DDX10: variants seen among roughly 807,000 people sequenced by gnomAD.
The protein encoded by DDX10 is DEAD-box helicase 10, also known as probable ATP-dependent RNA helicase DDX10.
In DDX10, 74 loss-of-function variants were observed where a neutral mutation model predicts 104.3. That is an observed-to-expected ratio of 0.71 (90% CI 0.59 to 0.86). DDX10 has a LOEUF of 0.86. Ranked by LOEUF, DDX10 falls within the 40% of genes least tolerant of loss-of-function variation. The pLI is 0.00. For missense variants in DDX10, 952 were observed against 1,040.0 expected (o/e 0.92, Z 1.16); for synonymous variants, 351 against 353.4 (o/e 0.99, Z 0.08).
intron 9 of DDX10, among the ~76,000 whole-genome samples, chr11:108,701,584 A>G (rs1046285107): frequency 2.6e-5 from 4 of 151,598 alleles, no homozygotes; most frequent in African/African-American, 9.7e-5. Context: ...TATTTTATCT[A>G]AAGTTATACA....
intron 7 of DDX10, among the ~76,000 whole-genome samples, chr11:108,689,959 T>C (rs147010259): frequency 0.015 from 2,305 of 152,212 alleles, 44 homozygotes; most frequent in African/African-American, 0.046. Flanking sequence ...CTCACGCCTG[T>C]AATCCCAGCA....
chr11:108,887,465 C>CT (rs1018209270), intron 16 of DDX10, among the ~76,000 whole-genome samples: 1 of 142,532 alleles, frequency 7.0e-6, no homozygotes, highest in Admixed American at 7.0e-5. Flanking sequence ...ATTTTTTTTT[C>CT]TTAAAAAAAA....
At chr11:108,844,543 A>T (rs971901399) in intron 15 of DDX10, among the ~76,000 whole-genome samples, 2 of 152,302 alleles carry the variant, frequency 1.3e-5, no homozygotes, top group East Asian at 3.9e-4. Flanking sequence ...CTTAAGTGGC[A>T]CATCTTCACA....
chr11:108,739,441 GCATACTGCTGTCA>G (rs1216024232), intron 13 of DDX10, among the ~76,000 whole-genome samples: 4 of 152,186 alleles, frequency 2.6e-5, no homozygotes, highest in Admixed American at 6.5e-5. Context: ...AGAGCACTCA[GCATACTGCTGTCA>G]TACCTGTTTT....
chr11:108,808,630 A>T (rs1056007949), intron 13 of DDX10, among the ~76,000 whole-genome samples: 3 of 152,156 alleles, frequency 2.0e-5, no homozygotes, highest in Non-Finnish European at 1.5e-5. Context: ...TTTGTTTGAT[A>T]TCCCAGTGAT....
intron 13 of DDX10, among the ~76,000 whole-genome samples, chr11:108,823,040 T>C (rs1862347748): frequency 1.3e-5 from 2 of 152,218 alleles, no homozygotes; most frequent in South Asian, 4.1e-4. Flanking sequence ...CTCTTGACTT[T>C]GGGAGTGAGT....
chr11:108,928,492 A>G (rs146303169), intron 17 of DDX10, among the ~76,000 whole-genome samples: 1 of 152,314 alleles, frequency 6.6e-6, no homozygotes, highest in East Asian at 1.9e-4. Context: ...ACGCTGTATT[A>G]TTATCAACTT....
chr11:108,666,512 A>G (rs148445938), intron 1 of DDX10, among the ~76,000 whole-genome samples: 265 of 152,276 alleles, frequency 1.7e-3, no homozygotes, highest in Middle Eastern at 0.01. Context: ...CAGCAACAAC[A>G]GAGATTTACC....
At chr11:108,764,438 C>T in intron 13 of DDX10, among the ~76,000 whole-genome samples, 1 of 152,130 alleles carries the variant, frequency 6.6e-6, no homozygotes, top group Admixed American at 6.5e-5. Flanking sequence ...GAGGCCAAGG[C>T]AGGTGGATCA....
intron 11 of DDX10, among the ~76,000 whole-genome samples, chr11:108,716,405 T>G (rs1342594305): frequency 1.3e-5 from 2 of 152,186 alleles, no homozygotes; most frequent in Non-Finnish European, 2.9e-5. Flanking sequence ...CCAGTCTAGC[T>G]TATTCTTTAA....
At chr11:108,897,648 G>A (rs578045120) in intron 16 of DDX10, among the ~76,000 whole-genome samples, 12 of 151,898 alleles carry the variant, frequency 7.9e-5, no homozygotes, top group South Asian at 6.3e-4. Flanking sequence ...TAGTTTGAAC[G>A]TACAAAGGAT....
At chr11:108,742,479 C>T (rs1362830468) in intron 13 of DDX10, among the ~76,000 whole-genome samples, 6 of 146,358 alleles carry the variant, frequency 4.1e-5, no homozygotes, top group Middle Eastern at 3.9e-3. Context: ...GCAGGAGAAT[C>T]GCTTGAACCT....
rs1491511229 is a variant in DDX10 at position 108,939,350 on chromosome 11, T to TTAA, written c.2451-895_2451-893dup. On this transcript the variant is annotated intron_variant, in intron 17 of 17. Coordinates refer to ENST00000322536, the MANE Select transcript of DDX10 (RefSeq NM_004398.4). ...TCTTGGTCCAGGCATTTAACCTCTC[T>TTAA]TAACCTCATTGCAGAATGAGACTAA... 6.6e-5 allele frequency among the ~76,000 whole-genome samples: 10 copies of TTAA among 152,322 alleles called. No homozygotes were observed. The South Asian group carries it at 2.1e-3, about 32-fold the overall frequency.
chr11:108,903,390 C>T (rs1863544210), intron 16 of DDX10, among the ~76,000 whole-genome samples: 1 of 152,116 alleles, frequency 6.6e-6, no homozygotes, highest in African/African-American at 2.4e-5. Flanking sequence ...TATACCAGGA[C>T]TTCATTTCTT....
At chr11:108,716,934 A>G (rs1224749115) in intron 11 of DDX10, among the ~76,000 whole-genome samples, 2 of 150,576 alleles carry the variant, frequency 1.3e-5, no homozygotes, top group Non-Finnish European at 3.0e-5. Context: ...TTTTTTTTTT[A>G]AAGTTTTTAG....
intron 15 of DDX10, among the ~76,000 whole-genome samples, chr11:108,842,523 A>C (rs1345794473): frequency 6.6e-6 from 1 of 152,192 alleles, no homozygotes. Context: ...CTTTATTTTA[A>C]TATTTGATGC....
chr11:108,720,936 A>T (rs2094297619), intron 12 of DDX10, among the ~76,000 whole-genome samples: 1 of 150,064 alleles, frequency 6.7e-6, no homozygotes, highest in African/African-American at 2.5e-5. Flanking sequence ...ATAAAGAAGG[A>T]ATGTTTATTC....
chr11:108,793,643 G>A lies in DDX10; in HGVS notation c.1966-44803G>A, dbSNP rs1861900454. Among the ~76,000 whole-genome samples, 3 of 152,098 alleles carry A rather than the reference G, an allele frequency of 2.0e-5. No homozygotes were observed. The South Asian group carries it at 6.2e-4, about 32-fold the overall frequency. ...AATAAAAACATGATTTGTGTGTACT[G>A]ACCTTGTATCTTGTGACCTATTTTG... On this transcript the variant is annotated intron_variant, in intron 13 of 17. Coordinates refer to ENST00000322536, the MANE Select transcript of DDX10 (RefSeq NM_004398.4).
chr11:108,889,550 A>C (rs565498703), intron 16 of DDX10, among the ~76,000 whole-genome samples: 1 of 152,188 alleles, frequency 6.6e-6, no homozygotes, highest in Non-Finnish European at 1.5e-5. Context: ...TTTATTAAGG[A>C]AACAAAATAT....
Sources: gnomAD v4.1 joint callset for allele counts (sites outside exome capture counted in the v4.1 genomes callset) on GRCh38, gnomAD v4.1.1 for gene constraint, MANE v1.5 for transcripts, NCBI Gene and HGNC (gene_info 2026-07-23, HGNC 2026-07-21) for gene names.